Variants in CDH12 observed in about 807,000 individuals in gnomAD.
CDH12 encodes cadherin-12.
Under a neutral mutation model 74.1 loss-of-function variants are expected in CDH12, and 41 were observed. The observed-to-expected ratio is 0.55, with a 90% CI of 0.43 to 0.72. CDH12 has a LOEUF of 0.72. CDH12 is among the 30% of genes least tolerant of loss of function. The pLI is 0.00. For synonymous variants in CDH12, 399 were observed against 355.0 expected, an observed-to-expected ratio of 1.12 and a Z score of -1.39; for missense variants, 945 against 977.2, an observed-to-expected ratio of 0.97 and a Z score of 0.44.
intron 6 of CDH12, among the ~76,000 whole-genome samples, chr5:21,922,248 A>T (rs928712744): frequency 9.2e-5 from 14 of 152,212 alleles, no homozygotes; most frequent in African/African-American, 3.4e-4. Flanking sequence ...TTTATAAAAG[A>T]TTATCATAGA....
At chr5:22,425,170 T>TATATATATATATAA (rs1343972232) in intron 2 of CDH12, among the ~76,000 whole-genome samples, 1 of 100,698 alleles carries the variant, frequency 9.9e-6, no homozygotes, top group Non-Finnish European at 2.0e-5. Flanking sequence ...TATATATATA[T>TATATATATATATAA]AAATATATAT....
chr5:22,513,677 G>A (rs956307567), intron 1 of CDH12, among the ~76,000 whole-genome samples: 2 of 152,096 alleles, frequency 1.3e-5, no homozygotes, highest in African/African-American at 4.8e-5. Context: ...GCCAGGCATG[G>A]TGGCTCACGC....
At chr5:22,262,686 G>A (rs1224125664) in intron 3 of CDH12, among the ~76,000 whole-genome samples, 5 of 151,316 alleles carry the variant, frequency 3.3e-5, no homozygotes, top group South Asian at 2.1e-4. Flanking sequence ...CTGAGGAATC[G>A]CCACACTGAC....
chr5:22,600,287 T>C (rs1035321923), intron 1 of CDH12, among the ~76,000 whole-genome samples: 7 of 152,178 alleles, frequency 4.6e-5, no homozygotes, highest in Admixed American at 4.6e-4. Context: ...TGCTGTTACA[T>C]ATCCCTGAAT....
At position 22,039,743 on chromosome 5, in the gene CDH12, T is replaced by G. The variant is rs77865011; in HGVS notation, c.231+38703A>C. Among the ~76,000 whole-genome samples, 1,228 of 152,220 alleles carry G rather than the reference T, an allele frequency of 8.1e-3. 18 individuals carry two copies. Among genetic ancestry groups the G allele is most frequent in the African/African-American group, 0.028 (1,180 of 41,554 alleles). The stretch of plus-strand genomic sequence containing the variant: ...GTTGGTCACAACTAAAGAAGCTGCA[T>G]GGAGGCTATACCATTGTATCTACTT... On this transcript the variant is annotated intron_variant, in intron 5 of 14. Coordinates refer to ENST00000382254, the MANE Select transcript of CDH12 (RefSeq NM_004061.5).
At chr5:22,257,786 A>G (rs552393161) in intron 3 of CDH12, among the ~76,000 whole-genome samples, 1 of 152,116 alleles carries the variant, frequency 6.6e-6, no homozygotes, top group African/African-American at 2.4e-5. Flanking sequence ...GTGAGCCACG[A>G]CACCTGACTG....
intron 1 of CDH12, among the ~76,000 whole-genome samples, chr5:22,626,905 C>A (rs1158160376): frequency 6.6e-6 from 1 of 151,854 alleles, no homozygotes; most frequent in Non-Finnish European, 1.5e-5. Context: ...AAGAAAGAAC[C>A]AAACTGATGT....
intron 1 of CDH12, among the ~76,000 whole-genome samples, chr5:22,811,032 C>T (rs775514043): frequency 1.3e-5 from 2 of 150,924 alleles, no homozygotes; most frequent in Non-Finnish European, 1.5e-5. Flanking sequence ...TATGTACATA[C>T]ATAAATATAT....
At chr5:21,899,389 T>C (rs1164955339) in intron 6 of CDH12, among the ~76,000 whole-genome samples, 1 of 152,188 alleles carries the variant, frequency 6.6e-6, no homozygotes. Context: ...AGATACTTGA[T>C]ACAATTCAGT....
At chr5:22,576,280 A>C (rs1251578723) in intron 1 of CDH12, among the ~76,000 whole-genome samples, 1 of 151,944 alleles carries the variant, frequency 6.6e-6, no homozygotes, top group East Asian at 1.9e-4. Flanking sequence ...CACCCCTGGC[A>C]CCTTTCTCAC....
intron 4 of CDH12, among the ~76,000 whole-genome samples, chr5:22,092,456 A>C (rs1465429405): frequency 6.6e-6 from 1 of 152,208 alleles, no homozygotes; most frequent in Non-Finnish European, 1.5e-5. Flanking sequence ...GAGGGCTTTG[A>C]ATAGACATTT....
chr5:22,249,249 AATT>A (rs1368788746), intron 3 of CDH12, among the ~76,000 whole-genome samples: 1 of 152,166 alleles, frequency 6.6e-6, no homozygotes, highest in African/African-American at 2.4e-5. Flanking sequence ...GACCCCTGTG[AATT>A]ATCTGTCAAG....
At chr5:22,744,562 T>G (rs954176895) in intron 1 of CDH12, among the ~76,000 whole-genome samples, 2 of 152,208 alleles carry the variant, frequency 1.3e-5, no homozygotes, top group Admixed American at 1.3e-4. Context: ...TTTTCCTTAT[T>G]TACATTTAGA....
chr5:22,414,849 A>T (rs1380120527), intron 2 of CDH12, among the ~76,000 whole-genome samples: 2 of 152,010 alleles, frequency 1.3e-5, no homozygotes, highest in African/African-American at 4.8e-5. Flanking sequence ...GCTTTAGAAG[A>T]CTATTTTAAA....
At chr5:21,985,775 C>G (rs530271905) in intron 5 of CDH12, among the ~76,000 whole-genome samples, 2 of 152,104 alleles carry the variant, frequency 1.3e-5, no homozygotes, top group East Asian at 3.9e-4. Flanking sequence ...ATTCTGAGCT[C>G]AAGAACATCA....
intron 8 of CDH12, among the ~76,000 whole-genome samples, chr5:21,833,518 G>A (rs1749345584): frequency 2.0e-5 from 1 of 49,030 alleles, no homozygotes; most frequent in Non-Finnish European, 2.9e-5. Flanking sequence ...TATGGCATAT[G>A]TGATATGTCA....
chr5:22,624,088 G>A (rs1237851380), intron 1 of CDH12, among the ~76,000 whole-genome samples: 1 of 152,074 alleles, frequency 6.6e-6, no homozygotes, highest in East Asian at 1.9e-4. Context: ...TTAATAAATG[G>A]TACTGGGAAA....
chr5:22,184,321 A>G (rs4530730), intron 4 of CDH12, among the ~76,000 whole-genome samples: 14,043 of 152,202 alleles, frequency 0.092, 1,098 homozygotes, highest in African/African-American at 0.22. Context: ...TTGAAACTAA[A>G]AATAGTTTTC....
intron 1 of CDH12, among the ~76,000 whole-genome samples, chr5:22,541,984 A>G (rs572355886): frequency 6.6e-6 from 1 of 152,226 alleles, no homozygotes; most frequent in African/African-American, 2.4e-5. Context: ...TGTTAGGGCT[A>G]CAAAGCCAAT....
Sources: gnomAD v4.1 joint callset for allele counts (sites outside exome capture counted in the v4.1 genomes callset) on GRCh38, gnomAD v4.1.1 for gene constraint, MANE v1.5 for transcripts, NCBI Gene and HGNC (gene_info 2026-07-23, HGNC 2026-07-21) for gene names.